The following SAMD5 variants were observed in gnomAD, a reference collection of about 807,000 sequenced individuals.
SAMD5 encodes sterile alpha motif domain containing 5.
SAMD5 carries 13 observed loss-of-function variants against 11.3 expected under a neutral mutation model. That is an observed-to-expected ratio of 1.15 (90% CI 0.75 to 1.83). SAMD5 has a LOEUF of 1.83. Ranked by LOEUF, SAMD5 falls within the 40% of genes most tolerant of loss-of-function variation. The pLI, the probability that SAMD5 is intolerant of heterozygous loss-of-function variation, is 0.00. For missense variants in SAMD5, 255 were observed against 239.1 expected (o/e 1.07, Z -0.44); for synonymous variants, 129 against 111.3 (o/e 1.16, Z -1.00).
chr6:147,765,174 C>T, the SAMD5 span, among the ~76,000 whole-genome samples: 1 of 152,168 alleles, frequency 6.6e-6, no homozygotes, highest in African/African-American at 2.4e-5. Context: ...AAAGCTATGA[C>T]TCCCTACCTT....
rs183178696 is a variant in SAMD5 at position 147,703,994 on chromosome 6, C to T, written c.163-33323C>T. Reference sequence around the variant, plus strand: ...CACTGCAAGCTCCACCTCCTGGGTTCACGCCATTCTCCTGCCTCAGCCTCC... The same window carrying T: ...CACTGCAAGCTCCACCTCCTGGGTTTACGCCATTCTCCTGCCTCAGCCTCC... On this transcript the variant is annotated intron_variant, in intron 1 of 1. Transcript: ENST00000566741. 2.1e-3 allele frequency among the ~76,000 whole-genome samples: 313 copies of T among 152,262 alleles called. 1 individual carries two copies. The highest frequency in any genetic ancestry group is 7.1e-3 in the African/African-American group (295 of 41,552).
Position 147,536,885 on chromosome 6 carries a change from T to G in SAMD5, c.459+27498T>G, listed in dbSNP as rs901113416. On this transcript the variant is annotated intron_variant, in intron 1 of 1. Transcript: ENST00000367474. ...TATTTGAACAGGTTTTTTATTCTAA[T>G]GTTATAATTTTCCAAAGTTATTTAT... Among the ~76,000 whole-genome samples, 11 of 152,310 alleles carry G rather than the reference T, an allele frequency of 7.2e-5. No homozygotes were observed. In the East Asian group the frequency reaches 2.1e-3, roughly 29 times the overall value.
chr6:147,814,908 A>G, the SAMD5 span, among the ~76,000 whole-genome samples: 7 of 152,146 alleles, frequency 4.6e-5, no homozygotes, highest in Non-Finnish European at 1.0e-4. Flanking sequence ...TCAAGGGGAA[A>G]TGGGAGAAAT....
rs747262052 is a variant in SAMD5, at chr6:147,564,473, C to T, written c.*17C>T. On this transcript the variant is annotated 3_prime_UTR_variant, in exon 2 of 2. Coordinates refer to ENST00000367474, the MANE Select transcript of SAMD5 (RefSeq NM_001030060.3). Reference sequence around the variant, plus strand: ...AGCCGCTAGATATCATTTTTGAGACCTCGTGGAGGACTGATGAGGTGCCTG... The same window carrying T: ...AGCCGCTAGATATCATTTTTGAGACTTCGTGGAGGACTGATGAGGTGCCTG... 1 of 789,484 alleles carries T rather than the reference C, an allele frequency of 1.3e-6. No individual in the cohort carries two copies. The highest frequency in any genetic ancestry group is 2.4e-5 in the East Asian group (1 of 41,238). The allele number at this position is 789,484 out of a possible 1,614,324, so 48.9% of individuals were successfully genotyped here.
intron 1 of SAMD5, among the ~76,000 whole-genome samples, chr6:147,600,302 G>A (rs558082786): frequency 3.1e-4 from 47 of 152,292 alleles, no homozygotes; most frequent in African/African-American, 1.1e-3. Context: ...CTCCAGCCCT[G>A]CTCTAGGGAG....
chr6:147,658,331 A>G (rs1790598749), intron 1 of SAMD5, among the ~76,000 whole-genome samples: 2 of 152,230 alleles, frequency 1.3e-5, no homozygotes, highest in Admixed American at 6.5e-5. Context: ...CAAAACCAGT[A>G]GTGCCCAAGG....
the SAMD5 span, among the ~76,000 whole-genome samples, chr6:147,806,310 G>A: frequency 9.6e-5 from 12 of 124,740 alleles, no homozygotes; most frequent in East Asian, 1.6e-3. Flanking sequence ...GCATGCGCGC[G>A]CGCGCGCGCA....
At chr6:147,805,810 G>A in the SAMD5 span, among the ~76,000 whole-genome samples, 1 of 152,134 alleles carries the variant, frequency 6.6e-6, no homozygotes, top group African/African-American at 2.4e-5. Context: ...TAAAAATATT[G>A]AAGGGGCACT....
the SAMD5 span, among the ~76,000 whole-genome samples, chr6:147,951,942 AG>A: frequency 6.6e-6 from 1 of 152,320 alleles, no homozygotes; most frequent in African/African-American, 2.4e-5. Flanking sequence ...CATTTAACGC[AG>A]GGGGGCCATA....
At chr6:147,514,364 G>A (rs1224088240) in intron 1 of SAMD5, among the ~76,000 whole-genome samples, 1 of 151,768 alleles carries the variant, frequency 6.6e-6, no homozygotes, top group African/African-American at 2.4e-5. Context: ...AAGGATTAGA[G>A]GTTTAAGGAG....
At chr6:147,662,579 C>T (rs1790662608) in intron 1 of SAMD5, among the ~76,000 whole-genome samples, 1 of 152,118 alleles carries the variant, frequency 6.6e-6, no homozygotes, top group Non-Finnish European at 1.5e-5. Flanking sequence ...ATGAAATCCC[C>T]CTGGAAATAT....
intron 1 of SAMD5, among the ~76,000 whole-genome samples, chr6:147,550,541 G>T (rs1233903159): frequency 1.3e-5 from 2 of 152,076 alleles, no homozygotes; most frequent in Admixed American, 6.6e-5. Flanking sequence ...AAAAAATGTG[G>T]TATATATACA....
chr6:147,652,506 G>A (rs1011712101), intron 1 of SAMD5, among the ~76,000 whole-genome samples: 1 of 152,154 alleles, frequency 6.6e-6, no homozygotes, highest in Non-Finnish European at 1.5e-5. Flanking sequence ...CATGGAGGAG[G>A]CTCCCTGGTT....
At chr6:147,869,344 C>T in the SAMD5 span, among the ~76,000 whole-genome samples, 2 of 152,170 alleles carry the variant, frequency 1.3e-5, no homozygotes, top group South Asian at 4.1e-4. Flanking sequence ...CTCCAGAGGG[C>T]TTGGGAGATG....
chr6:147,546,071 A>G (rs1288714117), intron 1 of SAMD5, among the ~76,000 whole-genome samples: 1 of 152,184 alleles, frequency 6.6e-6, no homozygotes, highest in Non-Finnish European at 1.5e-5. Context: ...CGAAACCTTA[A>G]CATAATAAAT....
At chr6:147,654,253 T>G (rs1297514945) in intron 1 of SAMD5, among the ~76,000 whole-genome samples, 1 of 152,172 alleles carries the variant, frequency 6.6e-6, no homozygotes, top group Non-Finnish European at 1.5e-5. Flanking sequence ...GATGTGAAAA[T>G]TCTTAGAATT....
the SAMD5 span, among the ~76,000 whole-genome samples, chr6:147,831,992 T>G: frequency 2.0e-5 from 3 of 152,190 alleles, no homozygotes; most frequent in Non-Finnish European, 2.9e-5. Flanking sequence ...TTATTTTTTT[T>G]TTGTTTTAGA....
chr6:147,638,987 T>G (rs1451266030), intron 1 of SAMD5, among the ~76,000 whole-genome samples: 1 of 152,194 alleles, frequency 6.6e-6, no homozygotes, highest in Non-Finnish European at 1.5e-5. Flanking sequence ...GATCGAAAAG[T>G]TAGGACAGAT....
At chr6:147,578,705 G>A (rs1229380107) in intron 1 of SAMD5, among the ~76,000 whole-genome samples, 2 of 152,084 alleles carry the variant, frequency 1.3e-5, no homozygotes, top group Non-Finnish European at 1.5e-5. Context: ...ATAATCATAG[G>A]CAAATATATG....
Sources: allele counts gnomAD v4.1 joint callset (sites outside exome capture counted in the v4.1 genomes callset), GRCh38; gene constraint gnomAD v4.1.1; transcripts MANE v1.5; gene names NCBI Gene and HGNC (gene_info 2026-07-23, HGNC 2026-07-21).